Variants in SUDS3 observed in about 807,000 individuals in gnomAD.
The protein encoded by SUDS3 is sin3 histone deacetylase corepressor complex component SDS3.
A neutral mutation model predicts 53.5 loss-of-function variants in SUDS3; 23 were observed. The observed-to-expected ratio is 0.43, with a 90% CI of 0.31 to 0.61. The LOEUF (loss-of-function observed/expected upper bound fraction) is 0.61. Ranked by LOEUF, SUDS3 falls within the 20% of genes least tolerant of loss-of-function variation. The pLI is 0.10. For missense variants in SUDS3, 291 were observed against 405.9 expected (o/e 0.72, Z 2.43); for synonymous variants, 150 against 148.5 (o/e 1.01, Z -0.08).
rs750333677 is a variant in SUDS3 at position 118,376,845 on chromosome 12, C to T, written c.142+12C>T. 1 of 1,518,188 alleles carries T rather than the reference C, an allele frequency of 6.6e-7. No individual in the cohort carries two copies. Among genetic ancestry groups the T allele is most frequent in the Non-Finnish European group, 8.8e-7 (1 of 1,139,372 alleles). The allele number at this position is 1,518,188 out of a possible 1,614,324, so 94.0% of individuals were successfully genotyped here. A position where few individuals can be genotyped will look rare whatever the true frequency, so the allele number is the denominator to read the frequency against. On this transcript the variant is annotated intron_variant, in intron 1 of 11. Transcript: ENST00000543473. ...CGAGTCGGACGAAGGTGAGTCCTGC[C>T]GCTCGCCCGGCCGCCCGGAGCGGAG...
At position 118,403,434 on chromosome 12, in the gene SUDS3, C is replaced by T; in HGVS notation, c.720C>T (p.His240=). The change falls in exon 10 of 12, where the codon CAC becomes CAT. Residue 240 remains histidine (H), a synonymous_variant. Transcript: ENST00000543473. ...CAGCATCTCCATCCTCTCCTGAGCACTTGCCTGCAACACCCGCGGAATCTC... is the reference window on the plus strand; with the variant it reads ...CAGCATCTCCATCCTCTCCTGAGCATTTGCCTGCAACACCCGCGGAATCTC... ...KRPASPSSPE[H]LPATPAESPA... The T allele has an allele frequency of 6.2e-7, 1 of 1,613,684 alleles. No individual in the cohort carries two copies. Among genetic ancestry groups the T allele is most frequent in the Non-Finnish European group, 8.5e-7 (1 of 1,179,800 alleles).
chr12:118,376,782 G>A lies in SUDS3; in HGVS notation c.91G>A (p.Glu31Lys), dbSNP rs764224525. 1 of 1,554,054 alleles carries A rather than the reference G, an allele frequency of 6.4e-7. No individual in the cohort carries two copies. The highest frequency in any genetic ancestry group is 1.2e-5 in the South Asian group (1 of 84,230). Residue 31 changes from glutamate (E) to lysine (K), a missense_variant, in exon 1 of 12, where the codon GAG becomes AAG. Transcript: ENST00000543473. Reference protein sequence around the residue: ...EYYPEEDEELESAEDDERSCR... With the variant: ...EYYPEEDEELKSAEDDERSCR... ...CTACCCCGAGGAGGATGAAGAGCTG[G>A]AGAGCGCCGAGGACGACGAGCGCAG... is the stretch of plus-strand genomic sequence containing the variant.
chr12:118,398,254 C>A (rs1320794164), intron 6 of SUDS3, among the ~76,000 whole-genome samples: 2 of 152,180 alleles, frequency 1.3e-5, no homozygotes, highest in East Asian at 1.9e-4. Flanking sequence ...ATTATTGATA[C>A]TTCTATTCTC....
intron 6 of SUDS3, among the ~76,000 whole-genome samples, chr12:118,391,906 T>A (rs1393525923): frequency 6.6e-6 from 1 of 152,204 alleles, no homozygotes; most frequent in Non-Finnish European, 1.5e-5. Flanking sequence ...GGTAGGAAAG[T>A]TACATGAGAC....
chr12:118,402,070 A>G (rs2046267952), intron 9 of SUDS3, 66 bp downstream of exon 9: 1 of 1,574,688 alleles, frequency 6.4e-7, no homozygotes, highest in Non-Finnish European at 8.7e-7. Context: ...GGGTGTGAAT[A>G]CCTGTCAGGA....
chr12:118,381,604 T>G (rs779316397), intron 2 of SUDS3, among the ~76,000 whole-genome samples: 3 of 152,070 alleles, frequency 2.0e-5, no homozygotes, highest in Admixed American at 1.3e-4. Flanking sequence ...CAGGCTGGTG[T>G]CAAAACTCTT....
chr12:118,377,752 C>T (rs780704616), intron 1 of SUDS3, among the ~76,000 whole-genome samples: 4 of 152,084 alleles, frequency 2.6e-5, no homozygotes, highest in Non-Finnish European at 5.9e-5. Flanking sequence ...CAAAGAGAGA[C>T]CGATATATGA....
intron 10 of SUDS3, among the ~76,000 whole-genome samples, chr12:118,406,142 A>C (rs115767165): frequency 7.2e-5 from 11 of 152,354 alleles, no homozygotes; most frequent in African/African-American, 2.6e-4. Flanking sequence ...TCTCTCAAAA[A>C]ATACTGTGAA....
intron 4 of SUDS3, among the ~76,000 whole-genome samples, chr12:118,386,606 C>A (rs2046116849): frequency 6.6e-6 from 1 of 151,966 alleles, no homozygotes; most frequent in Admixed American, 6.6e-5. Flanking sequence ...TTATTTTCCC[C>A]AAGTATTGTT....
rs189758406 is a variant in SUDS3 at position 118,415,430 on chromosome 12, C to T, written c.*997C>T. ...CTGTGGAGAACTTTGTTGTCAGGCC[C>T]TGAGCGCTCACAGCTTCATTTGGCC... On this transcript the variant is annotated 3_prime_UTR_variant, in exon 12 of 12. Coordinates refer to ENST00000543473, the MANE Select transcript of SUDS3 (RefSeq NM_022491.3). 4 of 152,260 alleles carry T rather than the reference C, an allele frequency of 2.6e-5. No individual in the cohort carries two copies. In the South Asian group the frequency reaches 8.3e-4, roughly 32 times the overall value. 9.4% of individuals were successfully genotyped at this position (152,260 alleles called of 1,614,324 possible).
intron 3 of SUDS3, 131 bp downstream of exon 3, chr12:118,384,198 A>C: frequency 3.4e-6 from 3 of 880,714 alleles, no homozygotes; most frequent in Non-Finnish European, 5.2e-6. Flanking sequence ...TATCCAGTAC[A>C]TTTTGCTATC....
intron 7 of SUDS3, 110 bp from the exon 8 acceptor site, chr12:118,401,649 T>C (rs1311644388): frequency 7.6e-6 from 7 of 922,686 alleles, no homozygotes; most frequent in Non-Finnish European, 1.2e-5. Context: ...TGTAGAAACA[T>C]CATTTAACAA....
At chr12:118,391,811 C>G (rs896869774) in intron 6 of SUDS3, among the ~76,000 whole-genome samples, 1 of 152,204 alleles carries the variant, frequency 6.6e-6, no homozygotes, top group Admixed American at 6.5e-5. Flanking sequence ...GCTATTAGAT[C>G]TCTCCTGCCA....
chr12:118,382,398 G>C (rs2046074409), intron 2 of SUDS3, among the ~76,000 whole-genome samples: 1 of 151,848 alleles, frequency 6.6e-6, no homozygotes, highest in Non-Finnish European at 1.5e-5. Flanking sequence ...ATCTTGTTTT[G>C]TTGCCTGGGC....
At chr12:118,396,809 G>A (rs2046219569) in intron 6 of SUDS3, among the ~76,000 whole-genome samples, 1 of 152,118 alleles carries the variant, frequency 6.6e-6, no homozygotes, top group Admixed American at 6.5e-5. Flanking sequence ...CTCTCCAGAG[G>A]GACTGTGCTA....
chr12:118,376,790 C>T lies in SUDS3; in HGVS notation c.99C>T (p.Ala33=). Residue 33 remains alanine, a synonymous_variant, in exon 1 of 12, where the codon GCC becomes GCT. Coordinates refer to ENST00000543473, the MANE Select transcript of SUDS3 (RefSeq NM_022491.3). ...YPEEDEELES[A]EDDERSCRGR... is the part of the protein sequence containing the mutation. ...AGGAGGATGAAGAGCTGGAGAGCGCCGAGGACGACGAGCGCAGCTGTCGGG... is the reference window on the plus strand; with the variant it reads ...AGGAGGATGAAGAGCTGGAGAGCGCTGAGGACGACGAGCGCAGCTGTCGGG... 5.2e-6 allele frequency: 8 copies of T among 1,552,210 alleles called. No individual in the cohort carries two copies. Among genetic ancestry groups the T allele is most frequent in the Non-Finnish European group, 6.9e-6 (8 of 1,155,232 alleles).
At chr12:118,391,824 T>C (rs1437010401) in intron 6 of SUDS3, among the ~76,000 whole-genome samples, 1 of 152,218 alleles carries the variant, frequency 6.6e-6, no homozygotes, top group Non-Finnish European at 1.5e-5. Flanking sequence ...TCCTGCCAGG[T>C]GTTACTGAAC....
chr12:118,396,931 C>T (rs956062100), intron 6 of SUDS3, among the ~76,000 whole-genome samples: 4 of 152,118 alleles, frequency 2.6e-5, no homozygotes, highest in African/African-American at 9.7e-5. Flanking sequence ...ATCAGGTTTC[C>T]TAGTGAGTAG....
intron 2 of SUDS3, among the ~76,000 whole-genome samples, chr12:118,380,596 A>G (rs2046048058): frequency 6.6e-6 from 1 of 152,248 alleles, no homozygotes; most frequent in South Asian, 2.1e-4. Context: ...ATTACATTTA[A>G]TCAGTCTTCC....
Sources: allele counts gnomAD v4.1 joint callset (sites outside exome capture counted in the v4.1 genomes callset), GRCh38; gene constraint gnomAD v4.1.1; transcripts MANE v1.5; gene names NCBI Gene and HGNC (gene_info 2026-07-23, HGNC 2026-07-21).